MUSK: variants seen among roughly 807,000 people sequenced by gnomAD.
MUSK encodes the protein muscle, skeletal receptor tyrosine-protein kinase.
A neutral mutation model predicts 88.7 loss-of-function variants in MUSK; 55 were observed. The ratio of observed to expected loss-of-function variants is 0.62; its 90% CI spans 0.50 to 0.78. The LOEUF is 0.78. Among genes scored for constraint, MUSK ranks in the 30% least tolerant of loss-of-function variants. The pLI, the probability that MUSK is intolerant of heterozygous loss-of-function variation, is 0.00. For missense variants in MUSK, 1,015 were observed against 1,074.3 expected, an observed-to-expected ratio of 0.94 and a Z score of 0.77; for synonymous variants, 387 against 391.9, an observed-to-expected ratio of 0.99 and a Z score of 0.15.
chr9:110,729,615 T>G (rs546287765), intron 5 of MUSK, among the ~76,000 whole-genome samples: 1 of 152,164 alleles, frequency 6.6e-6, no homozygotes, highest in East Asian at 1.9e-4. Context: ...CCTGGTCCTA[T>G]GTGAATTTTT....
At chr9:110,713,215 C>A (rs1162644680) in intron 5 of MUSK, among the ~76,000 whole-genome samples, 1 of 151,270 alleles carries the variant, frequency 6.6e-6, no homozygotes, top group Non-Finnish European at 1.5e-5. Flanking sequence ...GACTCACAGG[C>A]TAACATGGAG....
At chr9:110,677,606 G>A (rs75013569) in intron 1 of MUSK, among the ~76,000 whole-genome samples, 3,453 of 152,198 alleles carry the variant, frequency 0.023, 130 homozygotes, top group African/African-American at 0.079. Context: ...GCCTCCCTCC[G>A]TCTTCAGGCT....
intron 7 of MUSK, 99 bp downstream of exon 7, chr9:110,747,899 C>T: frequency 6.9e-7 from 1 of 1,449,862 alleles, no homozygotes; most frequent in Non-Finnish European, 9.6e-7. Flanking sequence ...TTTCTTTTAT[C>T]TCTTATTTCA....
chr9:110,713,808 G>T (rs2076708834), intron 5 of MUSK, among the ~76,000 whole-genome samples: 1 of 152,068 alleles, frequency 6.6e-6, no homozygotes, highest in Non-Finnish European at 1.5e-5. Flanking sequence ...ATTCTTAATA[G>T]ACCTCAGCTC....
In MUSK at chr9:110,787,843, G is replaced by GA. The variant is rs555725730; in HGVS notation, c.1927+9dup. The GA allele has an allele frequency of 2.0e-4, 319 of 1,607,552 alleles. 1 individual carries two copies. In the East Asian group the frequency reaches 6.6e-3, roughly 33 times the overall value. On this transcript the variant is annotated splice_donor_region_variant and intron_variant, in intron 14 of 14. Coordinates refer to ENST00000374448, the MANE Select transcript of MUSK (RefSeq NM_005592.4). ...CTAACATTGTGAAGCTATTAGGTAT[G>GA]AAAATACAAGTGAGGATATGTATTT... is the stretch of plus-strand genomic sequence containing the variant.
intron 5 of MUSK, among the ~76,000 whole-genome samples, chr9:110,727,862 C>T (rs1587961613): frequency 6.6e-6 from 1 of 151,970 alleles, no homozygotes; most frequent in African/African-American, 2.4e-5. Context: ...TTGCAGTTGA[C>T]ATATTACTAA....
intron 2 of MUSK, among the ~76,000 whole-genome samples, chr9:110,683,045 G>T (rs1192619899): frequency 6.6e-6 from 1 of 151,774 alleles, no homozygotes; most frequent in Non-Finnish European, 1.5e-5. Context: ...TAGTCACTCT[G>T]TTGTCTTATC....
intron 1 of MUSK, among the ~76,000 whole-genome samples, chr9:110,680,832 A>G (rs1040393124): frequency 1.4e-5 from 2 of 144,440 alleles, no homozygotes; most frequent in Non-Finnish European, 3.0e-5. Flanking sequence ...ATTTTTCTCA[A>G]ACTCCTATCA....
At chr9:110,707,826 C>T (rs937693369) in intron 5 of MUSK, among the ~76,000 whole-genome samples, 1 of 152,144 alleles carries the variant, frequency 6.6e-6, no homozygotes, top group African/African-American at 2.4e-5. Flanking sequence ...AAAGCAGCCT[C>T]TTGTCAAAAC....
At chr9:110,676,132 AT>A (rs978833949) in intron 1 of MUSK, among the ~76,000 whole-genome samples, 2 of 151,816 alleles carry the variant, frequency 1.3e-5, no homozygotes, top group African/African-American at 4.8e-5. Context: ...ATCTGCTACA[AT>A]TTTTTTCTAT....
chr9:110,718,844 G>A (rs1165346922), intron 5 of MUSK, among the ~76,000 whole-genome samples: 1 of 152,028 alleles, frequency 6.6e-6, no homozygotes, highest in Non-Finnish European at 1.5e-5. Flanking sequence ...AAAGCATCAG[G>A]CATCTTATAA....
intron 13 of MUSK, among the ~76,000 whole-genome samples, chr9:110,786,997 C>A (rs1412408108): frequency 6.6e-6 from 1 of 152,102 alleles, no homozygotes; most frequent in East Asian, 1.9e-4. Context: ...ACTTTAGGCT[C>A]AATGGAGGGT....
At chr9:110,746,950 C>T (rs887878130) in intron 6 of MUSK, among the ~76,000 whole-genome samples, 2 of 152,162 alleles carry the variant, frequency 1.3e-5, no homozygotes, top group African/African-American at 4.8e-5. Flanking sequence ...TGCAACCTCT[C>T]ATACTTAACT....
At chr9:110,790,075 G>A (rs1212769402) in intron 14 of MUSK, among the ~76,000 whole-genome samples, 1 of 152,132 alleles carries the variant, frequency 6.6e-6, no homozygotes, top group Non-Finnish European at 1.5e-5. Flanking sequence ...CTAAAAACGA[G>A]CAACCAATGA....
At chr9:110,681,029 T>TTATATAA (rs2076107601) in intron 1 of MUSK, among the ~76,000 whole-genome samples, 3 of 10,824 alleles carry the variant, frequency 2.8e-4, no homozygotes, top group Non-Finnish European at 5.4e-4. Context: ...ATATTATATA[T>TTATATAA]TATATATTAT....
intron 5 of MUSK, chr9:110,727,438 A>G (rs1271086883): frequency 1.3e-5 from 2 of 152,074 alleles, no homozygotes. Context: ...AACACTCACA[A>G]TTCTCTCCAA....
In MUSK at chr9:110,801,059, G is replaced by A. The variant is rs1397336088; in HGVS notation, c.*71G>A. The A allele has an allele frequency of 7.5e-7, 1 of 1,334,900 alleles. No individual in the cohort carries two copies. Among genetic ancestry groups the A allele is most frequent in the Non-Finnish European group, 9.9e-7 (1 of 1,008,730 alleles). 82.7% of individuals were successfully genotyped at this position (1,334,900 alleles called of 1,614,324 possible). A position where few individuals can be genotyped will look rare whatever the true frequency, so the allele number is the denominator to read the frequency against. On this transcript the variant is annotated 3_prime_UTR_variant, in exon 15 of 15. Transcript: ENST00000374448. ...TGTGAGCCAGGGGAATCCTACACCA[G>A]AGGCCCAACAAGACCCACATAGGAA...
chr9:110,728,831 C>A, intron 5 of MUSK: 1 of 759,650 alleles, frequency 1.3e-6, no homozygotes, highest in Non-Finnish European at 2.0e-6. Context: ...AAATAACAAA[C>A]AATGTATGGG....
chr9:110,677,264 C>G (rs184377408), intron 1 of MUSK, among the ~76,000 whole-genome samples: 2 of 152,312 alleles, frequency 1.3e-5, no homozygotes, highest in Admixed American at 1.3e-4. Context: ...AAGATGTCTT[C>G]CCTCTCCTCT....
Sources: gnomAD v4.1 joint callset for allele counts (sites outside exome capture counted in the v4.1 genomes callset) on GRCh38, gnomAD v4.1.1 for gene constraint, MANE v1.5 for transcripts, NCBI Gene and HGNC (gene_info 2026-07-23, HGNC 2026-07-21) for gene names.